NRXN1: variants seen among roughly 807,000 people sequenced by gnomAD.
NRXN1 encodes the protein neurexin 1, also known as neurexin-1.
Under a neutral mutation model 150.9 loss-of-function variants are expected in NRXN1, and 39 were observed. The observed-to-expected ratio is 0.26, with a 90% CI of 0.20 to 0.34. NRXN1 has a LOEUF of 0.34. Among genes scored for constraint, NRXN1 ranks in the 10% least tolerant of loss-of-function variants. NRXN1 has a pLI of 1.00. For synonymous variants in NRXN1, 924 were observed against 757.0 expected (o/e 1.22, Z -3.62); for missense variants, 1,815 against 1,949.9 (o/e 0.93, Z 1.30).
intron 21 of NRXN1, among the ~76,000 whole-genome samples, chr2:49,964,289 C>A (rs1333828286): frequency 6.6e-6 from 1 of 152,096 alleles, no homozygotes; most frequent in Non-Finnish European, 1.5e-5. Context: ...ACTACATCTT[C>A]CATATACTAA....
At chr2:50,465,366 C>G in intron 17 of NRXN1, 76 bp downstream of exon 17, 1 of 1,392,608 alleles carries the variant, frequency 7.2e-7, no homozygotes, top group Non-Finnish European at 9.7e-7. Context: ...TAAGGACTTT[C>G]AGTGTTAGAC....
intron 10 of NRXN1, among the ~76,000 whole-genome samples, chr2:50,532,723 G>A (rs1287439785): frequency 6.6e-6 from 1 of 152,044 alleles, no homozygotes; most frequent in Admixed American, 6.6e-5. Flanking sequence ...CATCAGTAGG[G>A]AAGTTGCTTA....
chr2:50,854,107 T>C (rs1002725049), intron 5 of NRXN1, among the ~76,000 whole-genome samples: 1 of 152,068 alleles, frequency 6.6e-6, no homozygotes, highest in Non-Finnish European at 1.5e-5. Flanking sequence ...TTTCAGGAAA[T>C]TGTGTAAAAT....
intron 5 of NRXN1, among the ~76,000 whole-genome samples, chr2:50,628,841 G>A (rs1021517905): frequency 2.0e-5 from 3 of 151,086 alleles, no homozygotes; most frequent in South Asian, 2.1e-4. Context: ...AAACAAAAAC[G>A]CAACACAAGC....
chr2:50,804,117 G>A (rs1298324407), intron 5 of NRXN1, among the ~76,000 whole-genome samples: 1 of 152,086 alleles, frequency 6.6e-6, no homozygotes, highest in Non-Finnish European at 1.5e-5. Context: ...CTTTCAAACA[G>A]CGAATCAGTT....
intron 18 of NRXN1, among the ~76,000 whole-genome samples, chr2:50,131,729 A>G (rs17039935): frequency 0.27 from 41,365 of 152,096 alleles, 6,098 homozygotes; most frequent in Admixed American, 0.41. Context: ...TTTAAAGGCT[A>G]GAGAGAGAAA....
At chr2:50,056,747 G>A (rs1040779072) in intron 19 of NRXN1, among the ~76,000 whole-genome samples, 1 of 151,716 alleles carries the variant, frequency 6.6e-6, no homozygotes, top group African/African-American at 2.4e-5. Flanking sequence ...CATGTTTTTG[G>A]CTTATAAGTG....
chr2:50,581,641 T>C (rs1432760254), intron 8 of NRXN1, among the ~76,000 whole-genome samples: 2 of 152,108 alleles, frequency 1.3e-5, no homozygotes, highest in Admixed American at 6.5e-5. Context: ...AGGTGAGAAT[T>C]TGGAGGGATC....
intron 15 of NRXN1, among the ~76,000 whole-genome samples, chr2:50,478,898 T>C (rs1426045290): frequency 2.0e-5 from 3 of 152,192 alleles, no homozygotes; most frequent in African/African-American, 4.8e-5. Flanking sequence ...TTCTGACATT[T>C]GTTGTTTCGT....
At chr2:50,029,924 TAAAATATAAAATGCCAGCTCCATGCC>T (rs1688940681) in intron 21 of NRXN1, among the ~76,000 whole-genome samples, 1 of 151,916 alleles carries the variant, frequency 6.6e-6, no homozygotes. Flanking sequence ...AGGAGAAAAA[TAAAATATAAAATGCCAGCTCCATGCC>T]AAAATATAAA....
In NRXN1 at chr2:50,212,933, T is replaced by G. The variant is rs527488115; in HGVS notation, c.3546+23856A>C. On this transcript the variant is annotated intron_variant, in intron 18 of 22. Coordinates refer to ENST00000401669, the MANE Select transcript of NRXN1 (RefSeq NM_001330078.2). ...TGAGAATTTCCAAACTGCAAGAATA[T>G]GCCTGCAGGCTTTAGTATGGGAAAC... Among the ~76,000 whole-genome samples, 31 of 152,070 alleles carry G rather than the reference T, an allele frequency of 2.0e-4. 1 individual carries two copies. Among genetic ancestry groups the G allele is most frequent in the African/African-American group, 7.5e-4 (31 of 41,560 alleles).
intron 17 of NRXN1, among the ~76,000 whole-genome samples, chr2:50,334,192 A>ATTTTATACATAT: frequency 8.4e-6 from 1 of 118,996 alleles, no homozygotes; most frequent in Admixed American, 7.7e-5. Flanking sequence ...ACCAGGACCA[A>ATTTTATACATAT]ATATATATAT....
rs1371802200 is a variant in NRXN1, at chr2:50,497,580, C to T, written c.2632G>A (p.Ala878Thr). 7.4e-6 allele frequency: 12 copies of T among 1,613,868 alleles called. No homozygotes were observed. The highest frequency in any genetic ancestry group is 2.2e-5 in the East Asian group (1 of 44,858). Residue 878 changes from alanine (A) to threonine (T), a missense_variant, in exon 14 of 23, where the codon GCA becomes ACA. Ala to Thr is a moderately conservative substitution (Grantham distance 58). This residue lies in a region of NRXN1 where 638 missense variants were observed against 652.6 expected (regional missense o/e 0.98). Coordinates refer to ENST00000401669, the MANE Select transcript of NRXN1 (RefSeq NM_001330078.2). ...CCATTTTTACACAGGTCAATGTATGCCATTCCATTAAATGTCAAGCTCTGC... is the reference window on the plus strand; with the variant it reads ...CCATTTTTACACAGGTCAATGTATGTCATTCCATTAAATGTCAAGCTCTGC... Reference protein sequence around the residue: ...HLQSLTFNGMAYIDLCKNGDI... With the variant: ...HLQSLTFNGMTYIDLCKNGDI...
intron 2 of NRXN1, among the ~76,000 whole-genome samples, chr2:50,992,210 G>A (rs950100338): frequency 6.6e-6 from 1 of 151,948 alleles, no homozygotes; most frequent in Non-Finnish European, 1.5e-5. Context: ...AGTTTATTTA[G>A]TATAAATTTT....
At chr2:50,302,845 G>A (rs1051990183) in intron 17 of NRXN1, among the ~76,000 whole-genome samples, 3 of 151,940 alleles carry the variant, frequency 2.0e-5, no homozygotes, top group Admixed American at 6.6e-5. Flanking sequence ...TAACAGTTCC[G>A]AATTTGTTGG....
chr2:50,815,168 G>A (rs1461352071), intron 5 of NRXN1, among the ~76,000 whole-genome samples: 1 of 151,282 alleles, frequency 6.6e-6, no homozygotes, highest in African/African-American at 2.4e-5. Context: ...GAGTAATTAT[G>A]TTCCTTCTCA....
At chr2:50,610,071 A>G (rs1258762830) in intron 8 of NRXN1, among the ~76,000 whole-genome samples, 1 of 152,166 alleles carries the variant, frequency 6.6e-6, no homozygotes, top group Non-Finnish European at 1.5e-5. Flanking sequence ...GACACCAATT[A>G]ACATGCACAG....
chr2:50,401,503 T>C (rs944127820), intron 17 of NRXN1, among the ~76,000 whole-genome samples: 2 of 152,028 alleles, frequency 1.3e-5, no homozygotes, highest in Admixed American at 6.6e-5. Flanking sequence ...AAAACTAAAA[T>C]TTCTAAGATT....
chr2:50,026,859 C>CTTTTTTTTTTTTTTTTTTTTTTTTTT lies in NRXN1; in HGVS notation c.4128+26386_4128+26411dup, dbSNP rs57580154. ...TTGCATTGTTTAAGTCTTTTCTTTT[C>CTTTTTTTTTTTTTTTTTTTTTTTTTT]TTTTTTTTTTTTTTTTTTTTTTTTT... On this transcript the variant is annotated intron_variant, in intron 21 of 22. Transcript: ENST00000401669. 1.8e-4 allele frequency among the ~76,000 whole-genome samples: 12 copies of CTTTTTTTTTTTTTTTTTTTTTTTTTT among 65,242 alleles called. 4 individuals carry two copies. Among genetic ancestry groups the CTTTTTTTTTTTTTTTTTTTTTTTTTT allele is most frequent in the East Asian group, 1.2e-3 (2 of 1,632 alleles). The allele number at this position is 65,242 out of a possible 152,430, so 42.8% of individuals were successfully genotyped here.
Sources: gnomAD v4.1 joint callset for allele counts (sites outside exome capture counted in the v4.1 genomes callset) on GRCh38, gnomAD v4.1.1 for gene constraint, gnomAD v4.1.1 regional missense constraint, MANE v1.5 for transcripts, NCBI Gene and HGNC (gene_info 2026-07-23, HGNC 2026-07-21) for gene names.